Variants in MARK1 observed in about 807,000 individuals in gnomAD.
MARK1 encodes the protein serine/threonine-protein kinase MARK1.
A neutral mutation model predicts 96.3 loss-of-function variants in MARK1; 40 were observed. That is an observed-to-expected ratio of 0.42 (90% CI 0.32 to 0.54). MARK1 has a LOEUF of 0.54. Among genes scored for constraint, MARK1 ranks in the 20% least tolerant of loss-of-function variants. MARK1 has a pLI of 0.16. For missense variants in MARK1, 719 were observed against 984.6 expected (o/e 0.73, Z 3.61); for synonymous variants, 317 against 341.2 (o/e 0.93, Z 0.78).
intron 3 of MARK1, among the ~76,000 whole-genome samples, chr1:220,592,081 G>A (rs976546687): frequency 7.9e-5 from 12 of 151,666 alleles, no homozygotes; most frequent in Admixed American, 6.6e-5. Context: ...AGACTTTGAG[G>A]CAACCCCCAT....
intron 1 of MARK1, among the ~76,000 whole-genome samples, chr1:220,566,070 C>T (rs1483862854): frequency 1.3e-5 from 2 of 152,246 alleles, no homozygotes; most frequent in East Asian, 3.9e-4. Flanking sequence ...TCTGATGTCT[C>T]ATCTTTAAAT....
At chr1:220,605,643 C>G (rs1013168346) in intron 6 of MARK1, among the ~76,000 whole-genome samples, 1 of 151,862 alleles carries the variant, frequency 6.6e-6, no homozygotes, top group African/African-American at 2.4e-5. Context: ...TTAGGTATTT[C>G]TCTAATGCTA....
At position 220,652,130 on chromosome 1, in the gene MARK1, C is replaced by T. The variant is rs762540579; in HGVS notation, c.1716C>T (p.Gly572=). The T allele has an allele frequency of 3.1e-6, 5 of 1,608,644 alleles. No individual in the cohort carries two copies. The highest frequency in any genetic ancestry group is 2.2e-5 in the South Asian group (2 of 90,764). The part of the protein sequence containing the change: ...IKVTLPTIKD[G]SEAYRPGTTQ... ...TCACACTGCCAACCATTAAAGACGG[C>T]TCTGAAGCTTACCGGCCTGGGTAAT... The change falls in exon 15 of 18, where the codon GGC becomes GGT. Residue 572 remains glycine, a synonymous_variant. Transcript: ENST00000366917.
intron 1 of MARK1, among the ~76,000 whole-genome samples, chr1:220,543,141 C>T (rs74139762): frequency 0.011 from 1,718 of 152,212 alleles, 27 homozygotes; most frequent in African/African-American, 0.039. Flanking sequence ...ATGAATAGAT[C>T]GAACTATGAG....
chr1:220,534,877 T>A (rs939237960), intron 1 of MARK1, among the ~76,000 whole-genome samples: 3 of 152,198 alleles, frequency 2.0e-5, no homozygotes, highest in Non-Finnish European at 4.4e-5. Flanking sequence ...TATAGCTGAA[T>A]AATATTCCAT....
intron 3 of MARK1, among the ~76,000 whole-genome samples, chr1:220,585,773 T>C (rs1416101420): frequency 6.6e-6 from 1 of 152,220 alleles, no homozygotes. Context: ...GTAATCACTC[T>C]GAATGTCTTG....
intron 1 of MARK1, among the ~76,000 whole-genome samples, chr1:220,545,645 C>T (rs1390204164): frequency 1.3e-5 from 2 of 151,836 alleles, no homozygotes; most frequent in Non-Finnish European, 2.9e-5. Flanking sequence ...CGACATGTTG[C>T]CCAGGCTGGT....
rs545451446 is a variant in MARK1 at position 220,559,791 on chromosome 1, T to C, written c.52-19563T>C. Among the ~76,000 whole-genome samples, 3 of 152,204 alleles carry C rather than the reference T, an allele frequency of 2.0e-5. No individual in the cohort carries two copies. The South Asian group carries it at 6.2e-4, about 32-fold the overall frequency. On this transcript the variant is annotated intron_variant, in intron 1 of 17. Transcript: ENST00000366917. ...GGATCTCTAATTGTTTCTGGATTAA[T>C]GAACCATAAAGCAAAGACATCACTG...
At chr1:220,652,339 T>C (rs1668927977) in intron 15 of MARK1, among the ~76,000 whole-genome samples, 189 bp downstream of exon 15, 1 of 152,252 alleles carries the variant, frequency 6.6e-6, no homozygotes, top group Non-Finnish European at 1.5e-5. Context: ...ATGTTGCATA[T>C]AACTTAAATC....
intron 6 of MARK1, among the ~76,000 whole-genome samples, chr1:220,613,356 G>T (rs1666563181): frequency 6.6e-6 from 1 of 152,162 alleles, no homozygotes; most frequent in African/African-American, 2.4e-5. Context: ...TAATGCAGAG[G>T]ATTCTTTGTA....
At chr1:220,594,371 C>T (rs141067978) in intron 3 of MARK1, among the ~76,000 whole-genome samples, 1 of 152,166 alleles carries the variant, frequency 6.6e-6, no homozygotes, top group African/African-American at 2.4e-5. Context: ...AAACACAGCA[C>T]CAAATGCTGG....
chr1:220,637,401 C>T (rs544386062), intron 13 of MARK1, among the ~76,000 whole-genome samples: 2 of 152,160 alleles, frequency 1.3e-5, no homozygotes, highest in African/African-American at 2.4e-5. Context: ...GTTAAGAGAG[C>T]AGGCACAGTG....
chr1:220,533,685 A>G (rs899259319), intron 1 of MARK1, among the ~76,000 whole-genome samples: 1 of 152,148 alleles, frequency 6.6e-6, no homozygotes, highest in African/African-American at 2.4e-5. Flanking sequence ...GTTTCTGTTC[A>G]GGAGTCATCT....
intron 13 of MARK1, among the ~76,000 whole-genome samples, chr1:220,636,757 G>A (rs192575840): frequency 1.8e-4 from 27 of 152,098 alleles, no homozygotes; most frequent in African/African-American, 5.5e-4. Flanking sequence ...CAGCGCAGAC[G>A]ACCTTAAAAG....
rs201053834 is a variant in MARK1 at position 220,654,150 on chromosome 1, T to TA, written c.1988+799dup. On this transcript the variant is annotated intron_variant, in intron 16 of 17. Transcript: ENST00000366917. This position sits in a 1 kb window ranked among gnomAD's most constrained non-coding sequence, Gnocchi z 4.0. ...GAAGCAGACAAACAACTAGCCATGA[T>TA]ATAAAGCAGAACATGTGCTAAAAAG... 3.9e-3 allele frequency among the ~76,000 whole-genome samples: 589 copies of TA among 152,330 alleles called. 5 individuals are homozygous for TA. Among genetic ancestry groups the TA allele is most frequent in the African/African-American group, 0.013 (554 of 41,566 alleles).
At position 220,618,190 on chromosome 1, in the gene MARK1, G is replaced by A; in HGVS notation, c.553-120G>A. The A allele has an allele frequency of 4.5e-6, 3 of 662,002 alleles. No individual in the cohort carries two copies. The highest frequency in any genetic ancestry group is 2.0e-5 in the South Asian group (1 of 51,144). 41.0% of individuals were successfully genotyped at this position (662,002 alleles called of 1,614,324 possible). A position where few individuals can be genotyped will look rare whatever the true frequency, so the allele number is the denominator to read the frequency against. ...AGTACCATACTGGGCTTCTAAATTT[G>A]ATACTACATTTAGAAATGAGGGGCA... On this transcript the variant is annotated intron_variant, in intron 7 of 17. Coordinates refer to ENST00000366917, the MANE Select transcript of MARK1 (RefSeq NM_018650.5). This position sits in a 1 kb window ranked among gnomAD's most constrained non-coding sequence, Gnocchi z 4.6.
At chr1:220,613,352 A>C (rs1174493232) in intron 6 of MARK1, among the ~76,000 whole-genome samples, 1 of 152,218 alleles carries the variant, frequency 6.6e-6, no homozygotes, top group Non-Finnish European at 1.5e-5. Context: ...TGCTTAATGC[A>C]GAGGATTCTT....
intron 6 of MARK1, 131 bp from the exon 7 acceptor site, chr1:220,615,808 T>TAAAAGC: frequency 1.8e-6 from 1 of 560,382 alleles, no homozygotes; most frequent in Non-Finnish European, 3.2e-6. Flanking sequence ...TTTTCTGAAC[T>TAAAAGC]AAAAGCATTG....
intron 13 of MARK1, among the ~76,000 whole-genome samples, chr1:220,646,448 GA>G (rs1668579484): frequency 6.6e-6 from 1 of 152,190 alleles, no homozygotes; most frequent in South Asian, 2.1e-4. Context: ...TCATGGATAG[GA>G]AGAATCAATA....
Sources: allele counts gnomAD v4.1 joint callset (sites outside exome capture counted in the v4.1 genomes callset), GRCh38; gene constraint gnomAD v4.1.1; non-coding constraint Gnocchi (gnomAD v3.1); transcripts MANE v1.5; gene names NCBI Gene and HGNC (gene_info 2026-07-23, HGNC 2026-07-21).